Variants in L3MBTL4 observed in about 807,000 individuals in gnomAD.
L3MBTL4 encodes the protein L3MBTL histone methyl-lysine binding protein 4.
L3MBTL4 carries 70 observed loss-of-function variants against 84.5 expected under a neutral mutation model. That is an observed-to-expected ratio of 0.83 (90% CI 0.68 to 1.01). The LOEUF (loss-of-function observed/expected upper bound fraction) is 1.01. L3MBTL4 is among the 50% of genes least tolerant of loss of function. The pLI is 0.00. For synonymous variants in L3MBTL4, 274 were observed against 259.8 expected, an observed-to-expected ratio of 1.05 and a Z score of -0.52; for missense variants, 715 against 754.8, an observed-to-expected ratio of 0.95 and a Z score of 0.62.
At chr18:6,110,982 C>T (rs1377978899) in intron 14 of L3MBTL4, among the ~76,000 whole-genome samples, 2 of 151,998 alleles carry the variant, frequency 1.3e-5, no homozygotes, top group African/African-American at 2.4e-5. Flanking sequence ...CCCTTCCTCC[C>T]ACCCCCCAGG....
chr18:6,110,747 G>A (rs200496321), intron 14 of L3MBTL4, among the ~76,000 whole-genome samples: 2 of 152,086 alleles, frequency 1.3e-5, no homozygotes, highest in Admixed American at 1.3e-4. Flanking sequence ...ATGCATCAGA[G>A]AGGACATGGT....
At chr18:6,280,365 A>AT (rs1256974267) in intron 4 of L3MBTL4, among the ~76,000 whole-genome samples, 1 of 152,192 alleles carries the variant, frequency 6.6e-6, no homozygotes, top group Non-Finnish European at 1.5e-5. Context: ...CTCTTTTGGA[A>AT]TGAGAGTCCC....
intron 1 of L3MBTL4, among the ~76,000 whole-genome samples, chr18:6,385,449 A>G (rs1354846510): frequency 3.9e-5 from 6 of 152,146 alleles, no homozygotes; most frequent in Non-Finnish European, 2.9e-5. Flanking sequence ...CAAGCTTAAC[A>G]GAAGAGGTAA....
chr18:6,004,997 A>ATTTTTTTTTTTTTTTTTTT lies in L3MBTL4; in HGVS notation c.1445-35454_1445-35436dup, dbSNP rs60294342. On this transcript the variant is annotated intron_variant, in intron 16 of 18. Transcript: ENST00000317931. ...ACACATAAAAATGGTTAAGATGATA[A>ATTTTTTTTTTTTTTTTTTT]TTTTTTTTTTTTTTTTTTTTTTTTT... is the stretch of plus-strand genomic sequence containing the variant. Among the ~76,000 whole-genome samples, 37 of 52,156 alleles carry ATTTTTTTTTTTTTTTTTTT rather than the reference A, an allele frequency of 7.1e-4. 4 individuals carry two copies. The Middle Eastern group carries it at 0.056, about 78-fold the overall frequency. 34.2% of individuals were successfully genotyped at this position (52,156 alleles called of 152,430 possible). A position where few individuals can be genotyped will look rare whatever the true frequency, so the allele number is the denominator to read the frequency against.
chr18:6,300,396 G>A (rs1392871544), intron 4 of L3MBTL4, among the ~76,000 whole-genome samples: 1 of 152,134 alleles, frequency 6.6e-6, no homozygotes, highest in African/African-American at 2.4e-5. Context: ...GTCAGCCACG[G>A]TGCGAACTTT....
intron 16 of L3MBTL4, among the ~76,000 whole-genome samples, chr18:6,039,661 GC>G (rs1406217271): frequency 6.6e-6 from 1 of 152,140 alleles, no homozygotes; most frequent in Non-Finnish European, 1.5e-5. Flanking sequence ...TGTTTCCTGG[GC>G]CCTAAGCCTC....
intron 16 of L3MBTL4, among the ~76,000 whole-genome samples, chr18:6,057,946 A>G (rs2057082640): frequency 6.6e-6 from 1 of 152,226 alleles, no homozygotes; most frequent in Non-Finnish European, 1.5e-5. Flanking sequence ...TGCTCATAAT[A>G]GCTATTCCTT....
At chr18:6,219,956 C>T (rs1362500570) in intron 10 of L3MBTL4, among the ~76,000 whole-genome samples, 2 of 152,062 alleles carry the variant, frequency 1.3e-5, no homozygotes, top group African/African-American at 4.8e-5. Flanking sequence ...GTCCCAGCTA[C>T]TCAGGAAGCT....
intron 10 of L3MBTL4, among the ~76,000 whole-genome samples, chr18:6,237,445 CTTTTTTTT>C (rs1173599586): frequency 1.1e-5 from 1 of 88,914 alleles, no homozygotes; most frequent in Non-Finnish European, 2.2e-5. Context: ...CCTAGTACAT[CTTTTTTTT>C]TTTTTTTTTT....
intron 13 of L3MBTL4, among the ~76,000 whole-genome samples, chr18:6,139,568 C>A (rs960072386): frequency 1.3e-5 from 2 of 152,052 alleles, no homozygotes; most frequent in African/African-American, 2.4e-5. Flanking sequence ...TGGAACGTCC[C>A]ATCCCATACC....
At chr18:6,295,288 G>GCAACAA (rs369420795) in intron 4 of L3MBTL4, among the ~76,000 whole-genome samples, 68 of 125,264 alleles carry the variant, frequency 5.4e-4, no homozygotes, top group Middle Eastern at 5.9e-3. Flanking sequence ...CAAAACAACA[G>GCAACAA]CAACAACAAC....
intron 16 of L3MBTL4, among the ~76,000 whole-genome samples, chr18:6,005,372 T>A (rs184541852): frequency 8.0e-6 from 1 of 125,308 alleles, no homozygotes; most frequent in Non-Finnish European, 1.8e-5. Context: ...GGAGCACATG[T>A]ACGGGTTTGT....
At chr18:6,035,467 G>A (rs1392638589) in intron 16 of L3MBTL4, among the ~76,000 whole-genome samples, 21 of 150,900 alleles carry the variant, frequency 1.4e-4, no homozygotes, top group Admixed American at 8.5e-4. Flanking sequence ...GTAGATATGC[G>A]GCGTTATTTC....
intron 14 of L3MBTL4, among the ~76,000 whole-genome samples, chr18:6,136,934 AGGCCTAAAT>A (rs2060044801): frequency 6.6e-6 from 1 of 152,252 alleles, no homozygotes; most frequent in Non-Finnish European, 1.5e-5. Context: ...CCCCAAGGCA[AGGCCTAAAT>A]GGCTCACTTG....
chr18:6,289,556 T>C (rs1437851771), intron 4 of L3MBTL4, among the ~76,000 whole-genome samples: 1 of 152,254 alleles, frequency 6.6e-6, no homozygotes, highest in Non-Finnish European at 1.5e-5. Flanking sequence ...AAAGTTTTCC[T>C]TTTAAAATTT....
At chr18:6,111,158 A>C (rs1045907919) in intron 14 of L3MBTL4, among the ~76,000 whole-genome samples, 1 of 152,202 alleles carries the variant, frequency 6.6e-6, no homozygotes, top group Non-Finnish European at 1.5e-5. Flanking sequence ...GGTGAGAAAG[A>C]GAAATGAGAT....
chr18:6,197,317 C>T (rs144691365), intron 12 of L3MBTL4, among the ~76,000 whole-genome samples: 324 of 152,222 alleles, frequency 2.1e-3, no homozygotes, highest in African/African-American at 7.5e-3. Context: ...CCTGTGTCCA[C>T]GTGTTCTCAT....
In L3MBTL4 at chr18:6,192,912, C is replaced by T. The variant is rs145784413; in HGVS notation, c.981+20237G>A. On this transcript the variant is annotated intron_variant, in intron 12 of 18. Coordinates refer to ENST00000317931, the MANE Select transcript of L3MBTL4 (RefSeq NM_001330559.2). ...AATTATATCTATTGTACATGGAGTTCATGCCGTGTAAAGAGAAAAAAAGAA... is the reference window on the plus strand; with the variant it reads ...AATTATATCTATTGTACATGGAGTTTATGCCGTGTAAAGAGAAAAAAAGAA... Among the ~76,000 whole-genome samples the T allele has an allele frequency of 1.8e-3, 281 of 151,930 alleles. 1 individual carries two copies. Among genetic ancestry groups the T allele is most frequent in the African/African-American group, 6.0e-3 (247 of 41,402 alleles).
intron 1 of L3MBTL4, among the ~76,000 whole-genome samples, chr18:6,358,384 G>A (rs376214287): frequency 1.4e-3 from 214 of 152,196 alleles, no homozygotes; most frequent in African/African-American, 4.9e-3. Context: ...GCCCTGGGCT[G>A]AGCTCACACA....
Sources: gnomAD v4.1 joint callset for allele counts (sites outside exome capture counted in the v4.1 genomes callset) on GRCh38, gnomAD v4.1.1 for gene constraint, MANE v1.5 for transcripts, NCBI Gene and HGNC (gene_info 2026-07-23, HGNC 2026-07-21) for gene names.